The following FSHR variants were observed in gnomAD, a reference collection of about 807,000 sequenced individuals.
The protein encoded by FSHR is follicle-stimulating hormone receptor.
FSHR carries 46 observed loss-of-function variants against 52.1 expected under a neutral mutation model. The ratio of observed to expected loss-of-function variants is 0.88; its 90% CI spans 0.70 to 1.13. The LOEUF (loss-of-function observed/expected upper bound fraction) is 1.13, where lower values mean the gene tolerates loss of function less well. Among genes scored for constraint, FSHR ranks in the 50% most tolerant of loss-of-function variants. The pLI, the probability that FSHR is intolerant of heterozygous loss-of-function variation, is 0.00. For synonymous variants in FSHR, 399 were observed against 309.6 expected (o/e 1.29, Z -3.03); for missense variants, 964 against 834.6 (o/e 1.16, Z -1.91).
chr2:49,024,030 C>T lies in FSHR; in HGVS notation c.225-3870G>A, dbSNP rs182449828. On this transcript the variant is annotated intron_variant, in intron 2 of 9. Transcript: ENST00000406846. ...CTGCTCCAGCATGAAATTTCAACCT[C>T]TTACAGAGTCATATTAATTTGTTCA... Among the ~76,000 whole-genome samples, 297 of 152,244 alleles carry T rather than the reference C, an allele frequency of 2.0e-3. 1 individual carries two copies. The highest frequency in any genetic ancestry group is 6.7e-3 in the African/African-American group (278 of 41,536).
chr2:49,012,777 G>A (rs558489733), intron 4 of FSHR, among the ~76,000 whole-genome samples: 8 of 152,244 alleles, frequency 5.3e-5, no homozygotes, highest in African/African-American at 1.9e-4. Context: ...TCATCCCAAA[G>A]AATATCTGAA....
At chr2:49,016,630 AC>A (rs1167605257) in intron 4 of FSHR, among the ~76,000 whole-genome samples, 3 of 152,194 alleles carry the variant, frequency 2.0e-5, no homozygotes, top group African/African-American at 7.2e-5. Flanking sequence ...GGTCAGGCAG[AC>A]CTAGTCCAGA....
chr2:48,997,991 T>G (rs1253644436), intron 4 of FSHR, among the ~76,000 whole-genome samples: 1 of 151,976 alleles, frequency 6.6e-6, no homozygotes, highest in Admixed American at 6.6e-5. Flanking sequence ...GGATCAACCT[T>G]TTTACCTTTT....
chr2:49,009,012 GC>G (rs1215007495), intron 4 of FSHR, among the ~76,000 whole-genome samples: 1 of 150,296 alleles, frequency 6.7e-6, no homozygotes, highest in Non-Finnish European at 1.5e-5. Context: ...CTTTTGCTGT[GC>G]AGAAGCTCCT....
At chr2:49,035,953 G>C (rs1668257187) in intron 2 of FSHR, among the ~76,000 whole-genome samples, 1 of 152,190 alleles carries the variant, frequency 6.6e-6, no homozygotes, top group Non-Finnish European at 1.5e-5. Flanking sequence ...AACATCATTA[G>C]CAAGTTTAAG....
rs962938994 is a variant in FSHR, at chr2:48,988,901, G to A, written c.524+76C>T. 5 of 1,221,456 alleles carry A rather than the reference G, an allele frequency of 4.1e-6. No homozygotes were observed. In the East Asian group the frequency reaches 1.2e-4, roughly 29 times the overall value. The allele number at this position is 1,221,456 out of a possible 1,614,324, so 75.7% of individuals were successfully genotyped here. ...CCAAAGTTACCCAAACAAAAAAGGA[G>A]CATCCAATTATGAGAAAGAGATCAC... is the stretch of plus-strand genomic sequence containing the variant. On this transcript the variant is annotated intron_variant, in intron 6 of 9. Coordinates refer to ENST00000406846, the MANE Select transcript of FSHR (RefSeq NM_000145.4).
At position 49,080,595 on chromosome 2, in the gene FSHR, G is replaced by T. The variant is rs146694475; in HGVS notation, c.153-12305C>A. Reference sequence around the variant, plus strand: ...AGAGCAAAAACCAAAAAGTTGATAAGATGTATGTAAACATGAACAGAATGA... The same window carrying T: ...AGAGCAAAAACCAAAAAGTTGATAATATGTATGTAAACATGAACAGAATGA... On this transcript the variant is annotated intron_variant, in intron 1 of 9. Coordinates refer to ENST00000406846, the MANE Select transcript of FSHR (RefSeq NM_000145.4). Among the ~76,000 whole-genome samples, 27 of 152,286 alleles carry T rather than the reference G, an allele frequency of 1.8e-4. 1 individual carries two copies. In the East Asian group the frequency reaches 5.2e-3, roughly 29 times the overall value.
intron 8 of FSHR, among the ~76,000 whole-genome samples, chr2:48,979,263 A>G (rs186472493): frequency 6.6e-6 from 1 of 152,068 alleles, no homozygotes; most frequent in African/African-American, 2.4e-5. Context: ...TTGGCAACAT[A>G]GTGAGACCCT....
intron 2 of FSHR, among the ~76,000 whole-genome samples, chr2:49,027,341 A>G (rs1235435635): frequency 1.3e-5 from 2 of 152,188 alleles, no homozygotes; most frequent in African/African-American, 4.8e-5. Flanking sequence ...AAGTGTACCA[A>G]TTATTTACTT....
At chr2:49,011,920 A>G (rs182634780) in intron 4 of FSHR, among the ~76,000 whole-genome samples, 38 of 152,232 alleles carry the variant, frequency 2.5e-4, no homozygotes, top group African/African-American at 8.7e-4. Context: ...CACAGAAAAG[A>G]GAGAGAGGGA....
At chr2:48,968,934 T>C in intron 8 of FSHR, 51 bp from the exon 9 acceptor site, 2 of 1,559,508 alleles carry the variant, frequency 1.3e-6, no homozygotes, top group Non-Finnish European at 1.8e-6. Flanking sequence ...CCTAAAACTT[T>C]CTGCTCTTGG....
intron 2 of FSHR, among the ~76,000 whole-genome samples, chr2:49,058,887 C>T (rs919593436): frequency 3.5e-4 from 53 of 152,244 alleles, no homozygotes; most frequent in African/African-American, 1.3e-3. Flanking sequence ...CTAAAGCAAT[C>T]TAAAGATTCA....
intron 2 of FSHR, among the ~76,000 whole-genome samples, chr2:49,024,496 C>T (rs1318504690): frequency 1.3e-5 from 2 of 152,090 alleles, no homozygotes; most frequent in East Asian, 1.9e-4. Flanking sequence ...ATCACTTGAA[C>T]CTGGGAGGAG....
chr2:49,120,555 T>A (rs138131678), intron 1 of FSHR, among the ~76,000 whole-genome samples: 1 of 152,176 alleles, frequency 6.6e-6, no homozygotes, highest in East Asian at 1.9e-4. Flanking sequence ...AGCTGGAATT[T>A]GTTGGTGTAA....
intron 1 of FSHR, among the ~76,000 whole-genome samples, chr2:49,084,249 G>A (rs955717043): frequency 6.6e-6 from 1 of 151,950 alleles, no homozygotes; most frequent in African/African-American, 2.4e-5. Flanking sequence ...ATGACTACTG[G>A]GTACATAACG....
chr2:49,020,019 A>G (rs1420039069), intron 3 of FSHR, 67 bp downstream of exon 3: 15 of 1,326,360 alleles, frequency 1.1e-5, no homozygotes, highest in Non-Finnish European at 1.6e-5. Context: ...CCTCCCAGGA[A>G]TGTAGAAGAA....
intron 1 of FSHR, among the ~76,000 whole-genome samples, chr2:49,092,897 C>G (rs1325600360): frequency 6.6e-6 from 1 of 152,158 alleles, no homozygotes; most frequent in Non-Finnish European, 1.5e-5. Context: ...AACTCCTGAC[C>G]TTAACTAATC....
chr2:49,013,497 T>TAAATATATATATAA (rs1270296746), intron 4 of FSHR, among the ~76,000 whole-genome samples: 2 of 66,560 alleles, frequency 3.0e-5, no homozygotes, highest in South Asian at 4.1e-4. Flanking sequence ...TATATATATA[T>TAAATATATATATAA]ATAAATATAT....
intron 1 of FSHR, among the ~76,000 whole-genome samples, chr2:49,141,789 C>T (rs1035802942): frequency 5.3e-5 from 8 of 150,442 alleles, no homozygotes; most frequent in Non-Finnish European, 1.0e-4. Context: ...TTAGACTTTA[C>T]TTTAGGAGTT....
Sources: gnomAD v4.1 joint callset for allele counts (sites outside exome capture counted in the v4.1 genomes callset) on GRCh38, gnomAD v4.1.1 for gene constraint, MANE v1.5 for transcripts, NCBI Gene and HGNC (gene_info 2026-07-23, HGNC 2026-07-21) for gene names.